The following DCAF1 variants were observed in gnomAD, a reference collection of about 807,000 sequenced individuals.
DCAF1 encodes the protein DDB1- and CUL4-associated factor 1.
DCAF1 carries 15 observed loss-of-function variants against 128.0 expected under a neutral mutation model. That is an observed-to-expected ratio of 0.12 (90% CI 0.08 to 0.18). The LOEUF is 0.18. Ranked by LOEUF, DCAF1 falls within the 10% of genes least tolerant of loss-of-function variation. The pLI is 1.00. For missense variants in DCAF1, 988 were observed against 1,649.5 expected, an observed-to-expected ratio of 0.60 and a Z score of 6.95; for synonymous variants, 610 against 603.0, an observed-to-expected ratio of 1.01 and a Z score of -0.17.
intron 6 of DCAF1, among the ~76,000 whole-genome samples, chr3:51,452,875 C>G (rs541647325): frequency 1.3e-5 from 2 of 151,862 alleles, no homozygotes; most frequent in African/African-American, 4.8e-5. Flanking sequence ...ATTAGCCGGG[C>G]GTGGTGGCGG....
rs372590969 is a variant in DCAF1, at chr3:51,418,214, G to A, written c.3436-16C>T. 8.7e-6 allele frequency: 14 copies of A among 1,601,390 alleles called. No individual in the cohort carries two copies. The highest frequency in any genetic ancestry group is 8.0e-5 in the African/African-American group (6 of 74,638). ...AGGACCCATCCTAAAAGAAAAAGGC[G>A]CAAGGTGGGTAACCACGTATTTACA... On this transcript the variant is annotated splice_polypyrimidine_tract_variant and intron_variant, in intron 16 of 24. Coordinates refer to ENST00000684031, the MANE Select transcript of DCAF1 (RefSeq NM_001387579.1).
At chr3:51,440,179 T>G in intron 9 of DCAF1, 1 of 509,762 alleles carries the variant, frequency 2.0e-6, no homozygotes, top group Non-Finnish European at 3.9e-6. Context: ...TCTGTAGAGA[T>G]AGTAAGCCTC....
chr3:51,440,551 T>A (rs533282215), intron 9 of DCAF1, among the ~76,000 whole-genome samples: 1 of 152,190 alleles, frequency 6.6e-6, no homozygotes, highest in African/African-American at 2.4e-5. Flanking sequence ...CACAGTGAGC[T>A]ATGATCACCC....
intron 24 of DCAF1, 81 bp downstream of exon 24, chr3:51,403,062 G>C: frequency 6.7e-7 from 1 of 1,485,322 alleles, no homozygotes; most frequent in Admixed American, 2.4e-5. Flanking sequence ...GGTATGGCTT[G>C]CCCTCTAAGT....
At chr3:51,398,874 A>G in intron 24 of DCAF1, 47 bp from the exon 25 acceptor site, 1 of 1,556,378 alleles carries the variant, frequency 6.4e-7, no homozygotes, top group Non-Finnish European at 8.7e-7. Context: ...CTAGGCTTAT[A>G]GGAAGCTTTC....
intron 23 of DCAF1, among the ~76,000 whole-genome samples, chr3:51,403,721 C>T (rs1013775767): frequency 1.3e-5 from 2 of 152,220 alleles, no homozygotes; most frequent in African/African-American, 4.8e-5. Context: ...TCACCTGCAT[C>T]AACCAAAGCA....
intron 3 of DCAF1, among the ~76,000 whole-genome samples, chr3:51,474,369 G>A (rs536351550): frequency 2.6e-4 from 40 of 152,078 alleles, no homozygotes; most frequent in Non-Finnish European, 4.1e-4. Flanking sequence ...GCGGTGAGCC[G>A]AGATCGTGCC....
chr3:51,482,999 C>G (rs1009946899), intron 3 of DCAF1, among the ~76,000 whole-genome samples: 2 of 144,876 alleles, frequency 1.4e-5, no homozygotes, highest in South Asian at 2.2e-4. Context: ...ATTAGCTGGG[C>G]GTGGTGACAA....
At chr3:51,425,559 CTTT>C (rs782117372) in intron 13 of DCAF1, among the ~76,000 whole-genome samples, 1 of 96,838 alleles carries the variant, frequency 1.0e-5, no homozygotes. Context: ...AAGCTGTCAT[CTTT>C]TTTTTTTTTT....
intron 5 of DCAF1, among the ~76,000 whole-genome samples, chr3:51,464,414 G>A (rs1478032038): frequency 6.6e-6 from 1 of 151,982 alleles, no homozygotes; most frequent in Non-Finnish European, 1.5e-5. Context: ...CATTATCCAG[G>A]CTGAGTGTGG....
At chr3:51,404,020 T>C (rs782068275) in intron 23 of DCAF1, among the ~76,000 whole-genome samples, 1 of 152,262 alleles carries the variant, frequency 6.6e-6, no homozygotes, top group Non-Finnish European at 1.5e-5. Flanking sequence ...TATCTTTCTT[T>C]CCATTCTTAC....
In DCAF1 at chr3:51,398,705, G is replaced by A. The variant is rs1192916877; in HGVS notation, c.*64C>T. On this transcript the variant is annotated 3_prime_UTR_variant, in exon 25 of 25. Transcript: ENST00000684031. ...CCCTGGGAGAAAGAGAAGGGAATATGTTCTGAATTCATTTGACTCAGTTTC... is the reference window on the plus strand; with the variant it reads ...CCCTGGGAGAAAGAGAAGGGAATATATTCTGAATTCATTTGACTCAGTTTC... 13 of 1,544,146 alleles carry A rather than the reference G, an allele frequency of 8.4e-6. No individual in the cohort carries two copies. Among genetic ancestry groups the A allele is most frequent in the African/African-American group, 1.4e-5 (1 of 73,134 alleles).
intron 11 of DCAF1, among the ~76,000 whole-genome samples, 187 bp downstream of exon 11, chr3:51,429,846 T>C (rs1212244199): frequency 6.6e-6 from 1 of 151,530 alleles, no homozygotes; most frequent in Non-Finnish European, 1.5e-5. Flanking sequence ...AACGGCACAG[T>C]GTCCTCTAAC....
At chr3:51,499,298 C>G (rs1427777270) in intron 1 of DCAF1, among the ~76,000 whole-genome samples, 1 of 152,232 alleles carries the variant, frequency 6.6e-6, no homozygotes, top group Non-Finnish European at 1.5e-5. Flanking sequence ...TCTTTCCAAC[C>G]CTTCCCTCTT....
chr3:51,432,508 G>C (rs1005971165), intron 10 of DCAF1, among the ~76,000 whole-genome samples: 5 of 151,682 alleles, frequency 3.3e-5, no homozygotes, highest in African/African-American at 2.4e-5. Context: ...GCCCAGGCTG[G>C]AATGCAATGC....
intron 4 of DCAF1, among the ~76,000 whole-genome samples, chr3:51,469,351 C>T (rs1704484031): frequency 6.6e-6 from 1 of 151,600 alleles, no homozygotes; most frequent in Middle Eastern, 3.2e-3. Context: ...CTGCCTCAGC[C>T]TCCTGAGTAG....
At chr3:51,452,355 T>G (rs1436448992) in intron 6 of DCAF1, among the ~76,000 whole-genome samples, 2 of 152,178 alleles carry the variant, frequency 1.3e-5, no homozygotes, top group African/African-American at 4.8e-5. Flanking sequence ...AATTAAAATA[T>G]TTTAAGAAAT....
chr3:51,398,491 T>C lies in DCAF1; in HGVS notation c.*278A>G, dbSNP rs547780189. ...ATACCCCAGAGACATGGTTTTTTTTTCCCCTTGAAAGATATGTCCATCCTA... is the reference window on the plus strand; with the variant it reads ...ATACCCCAGAGACATGGTTTTTTTTCCCCCTTGAAAGATATGTCCATCCTA... On this transcript the variant is annotated 3_prime_UTR_variant, in exon 25 of 25. Coordinates refer to ENST00000684031, the MANE Select transcript of DCAF1 (RefSeq NM_001387579.1). 7 of 377,122 alleles carry C rather than the reference T, an allele frequency of 1.9e-5. No homozygotes were observed. Among genetic ancestry groups the C allele is most frequent in the South Asian group, 5.9e-5 (1 of 16,946 alleles). The allele number at this position is 377,122 out of a possible 1,614,324, so 23.4% of individuals were successfully genotyped here.
intron 6 of DCAF1, among the ~76,000 whole-genome samples, chr3:51,458,412 A>G (rs1559536952): frequency 6.6e-6 from 1 of 152,210 alleles, no homozygotes; most frequent in African/African-American, 2.4e-5. Flanking sequence ...AGATTCATAA[A>G]GCAAGTCCTT....
Sources: gnomAD v4.1 joint callset for allele counts (sites outside exome capture counted in the v4.1 genomes callset) on GRCh38, gnomAD v4.1.1 for gene constraint, MANE v1.5 for transcripts, NCBI Gene and HGNC (gene_info 2026-07-23, HGNC 2026-07-21) for gene names.